ANKS1B: variants seen among roughly 807,000 people sequenced by gnomAD.
The protein encoded by ANKS1B is ankyrin repeat and sterile alpha motif domain-containing protein 1B.
ANKS1B carries 36 observed loss-of-function variants against 148.3 expected under a neutral mutation model. The observed-to-expected ratio is 0.24, with a 90% CI of 0.19 to 0.32. The LOEUF (loss-of-function observed/expected upper bound fraction) is 0.32, where lower values mean the gene tolerates loss of function less well. ANKS1B is among the 10% of genes least tolerant of loss of function. The pLI is 1.00. For synonymous variants in ANKS1B, 542 were observed against 560.8 expected, an observed-to-expected ratio of 0.97 and a Z score of 0.47; for missense variants, 1,157 against 1,542.6, an observed-to-expected ratio of 0.75 and a Z score of 4.19.
chr12:99,152,986 G>A (rs181019188), intron 15 of ANKS1B, among the ~76,000 whole-genome samples: 294 of 152,126 alleles, frequency 1.9e-3, no homozygotes, highest in African/African-American at 6.6e-3. Flanking sequence ...ACCAGTGACA[G>A]TACTTGATAA....
At position 99,285,866 on chromosome 12, in the gene ANKS1B, G is replaced by T. The variant is rs148717608; in HGVS notation, c.1757-39002C>A. 1.2e-3 allele frequency among the ~76,000 whole-genome samples: 177 copies of T among 152,222 alleles called. 2 individuals carry two copies. In the East Asian group the frequency reaches 0.016, roughly 14 times the overall value. On this transcript the variant is annotated intron_variant, in intron 12 of 26. Coordinates refer to ENST00000683438, the MANE Select transcript of ANKS1B (RefSeq NM_001352186.2). The stretch of plus-strand genomic sequence containing the variant: ...CTGGCACCCAAAGAGTGAGCATTTA[G>T]ACCAGCCTTAGCCAGAGGGGAATCA...
At chr12:98,857,745 A>G (rs892964090) in intron 17 of ANKS1B, among the ~76,000 whole-genome samples, 2 of 152,194 alleles carry the variant, frequency 1.3e-5, no homozygotes, top group Admixed American at 6.5e-5. Flanking sequence ...GGGTCAGTAA[A>G]TATAATATTT....
At position 98,744,679 on chromosome 12, in the gene ANKS1B, C is replaced by CTT. The variant is rs201362499; in HGVS notation, c.*1058_*1059dup. On this transcript the variant is annotated 3_prime_UTR_variant, in exon 27 of 27. Transcript: ENST00000683438. ...AAGTTTTATTACTTTGGAATTTCTT[C>CTT]TTTTTTTTTTTTGTATTTATTTTTT... 336 of 722,572 alleles carry CTT rather than the reference C, an allele frequency of 4.7e-4. No individual in the cohort carries two copies. Among genetic ancestry groups the CTT allele is most frequent in the East Asian group, 2.4e-3 (18 of 7,544 alleles). The allele number at this position is 722,572 out of a possible 1,614,324, so 44.8% of individuals were successfully genotyped here. A position where few individuals can be genotyped will look rare whatever the true frequency, so the allele number is the denominator to read the frequency against.
chr12:99,228,805 C>A (rs1350556152), intron 14 of ANKS1B, among the ~76,000 whole-genome samples: 1 of 151,848 alleles, frequency 6.6e-6, no homozygotes, highest in African/African-American at 2.4e-5. Context: ...TGACTCAAAA[C>A]TGATAAAAAG....
intron 1 of ANKS1B, among the ~76,000 whole-genome samples, chr12:99,951,572 G>A (rs547653019): frequency 6.6e-6 from 1 of 152,284 alleles, no homozygotes; most frequent in African/African-American, 2.4e-5. Flanking sequence ...CTGGCTGTTA[G>A]CTGAATTTAA....
intron 12 of ANKS1B, among the ~76,000 whole-genome samples, chr12:99,313,150 T>G (rs993049686): frequency 6.6e-6 from 1 of 152,028 alleles, no homozygotes; most frequent in Admixed American, 6.6e-5. Context: ...AACAACTATA[T>G]GCAAATAAAC....
intron 15 of ANKS1B, among the ~76,000 whole-genome samples, chr12:99,106,983 CGT>C (rs2059355217): frequency 6.6e-6 from 1 of 151,912 alleles, no homozygotes; most frequent in Non-Finnish European, 1.5e-5. Context: ...ATGGTCCAGA[CGT>C]CTGCTCTAGC....
At chr12:99,012,733 C>T (rs977842908) in intron 17 of ANKS1B, among the ~76,000 whole-genome samples, 1 of 152,004 alleles carries the variant, frequency 6.6e-6, no homozygotes, top group Admixed American at 6.6e-5. Flanking sequence ...ACTGACTTTG[C>T]TTATATTAGT....
At chr12:99,358,407 G>A (rs931422622) in intron 12 of ANKS1B, among the ~76,000 whole-genome samples, 1 of 151,878 alleles carries the variant, frequency 6.6e-6, no homozygotes, top group African/African-American at 2.4e-5. Context: ...ACATGTTGAT[G>A]CTTCCCCTAT....
intron 17 of ANKS1B, among the ~76,000 whole-genome samples, chr12:98,942,358 C>G (rs1054505200): frequency 1.3e-5 from 2 of 152,130 alleles, no homozygotes; most frequent in African/African-American, 4.8e-5. Flanking sequence ...AACAGGCTGA[C>G]TTTTTGAGCC....
intron 15 of ANKS1B, among the ~76,000 whole-genome samples, chr12:99,150,481 T>C (rs1409711030): frequency 6.6e-6 from 1 of 151,992 alleles, no homozygotes; most frequent in South Asian, 2.1e-4. Context: ...TAGGCAAGAA[T>C]TGAGTTATAC....
At chr12:99,613,422 T>C (rs1009014629) in intron 9 of ANKS1B, among the ~76,000 whole-genome samples, 6 of 152,074 alleles carry the variant, frequency 3.9e-5, no homozygotes, top group Non-Finnish European at 8.8e-5. Context: ...TGCAGCACTA[T>C]TCATAATAGC....
chr12:99,753,237 C>A (rs1240343446), intron 8 of ANKS1B, among the ~76,000 whole-genome samples: 4 of 152,014 alleles, frequency 2.6e-5, no homozygotes, highest in Non-Finnish European at 5.9e-5. Flanking sequence ...AACTACACCT[C>A]ATAAGATGAA....
intron 8 of ANKS1B, among the ~76,000 whole-genome samples, chr12:99,742,151 G>T (rs544827315): frequency 6.6e-6 from 1 of 151,378 alleles, no homozygotes; most frequent in South Asian, 2.1e-4. Context: ...AAAACTAATG[G>T]GTACTAAGCT....
intron 12 of ANKS1B, among the ~76,000 whole-genome samples, chr12:99,284,526 A>G (rs2078867922): frequency 6.6e-6 from 1 of 152,198 alleles, no homozygotes; most frequent in African/African-American, 2.4e-5. Flanking sequence ...TCATTTTAGA[A>G]AGATTTTATT....
intron 11 of ANKS1B, among the ~76,000 whole-genome samples, chr12:99,402,150 G>C (rs1390993479): frequency 4.1e-5 from 6 of 145,844 alleles, no homozygotes; most frequent in Non-Finnish European, 9.1e-5. Context: ...TTCCTAGCCT[G>C]ACTTGCCTTT....
intron 14 of ANKS1B, among the ~76,000 whole-genome samples, chr12:99,212,185 G>A (rs2083436461): frequency 6.6e-6 from 1 of 152,118 alleles, no homozygotes; most frequent in African/African-American, 2.4e-5. Flanking sequence ...TCACTCCTTT[G>A]GCCCCAAACC....
intron 17 of ANKS1B, among the ~76,000 whole-genome samples, chr12:98,918,401 T>C (rs976827014): frequency 1.3e-5 from 2 of 152,228 alleles, no homozygotes; most frequent in African/African-American, 4.8e-5. Context: ...CAGAAAACGC[T>C]GAGCAGAATG....
At chr12:99,001,269 A>T (rs889881751) in intron 17 of ANKS1B, among the ~76,000 whole-genome samples, 2 of 151,926 alleles carry the variant, frequency 1.3e-5, no homozygotes, top group Non-Finnish European at 2.9e-5. Context: ...AGTAGCTGGG[A>T]GTATAGACCA....
Sources: gnomAD v4.1 joint callset for allele counts (sites outside exome capture counted in the v4.1 genomes callset) on GRCh38, gnomAD v4.1.1 for gene constraint, MANE v1.5 for transcripts, NCBI Gene and HGNC (gene_info 2026-07-23, HGNC 2026-07-21) for gene names.